The following ALK variants were observed in gnomAD, a reference collection of about 807,000 sequenced individuals.
ALK encodes ALK receptor tyrosine kinase.
Under a neutral mutation model 163.1 loss-of-function variants are expected in ALK, and 74 were observed. The observed-to-expected ratio is 0.45, with a 90% CI of 0.38 to 0.55. The LOEUF is 0.55. Among genes scored for constraint, ALK ranks in the 20% least tolerant of loss-of-function variants. ALK has a pLI of 0.00. For missense variants in ALK, 2,063 were observed against 2,105.3 expected (o/e 0.98, Z 0.39); for synonymous variants, 960 against 843.2 (o/e 1.14, Z -2.40).
At chr2:29,302,853 G>A (rs146095938) in intron 8 of ALK, among the ~76,000 whole-genome samples, 5 of 152,112 alleles carry the variant, frequency 3.3e-5, no homozygotes, top group East Asian at 3.9e-4. Flanking sequence ...CCCACCTCTC[G>A]CCATATACAA....
At chr2:29,655,697 T>C (rs1013130915) in intron 3 of ALK, among the ~76,000 whole-genome samples, 1 of 152,222 alleles carries the variant, frequency 6.6e-6, no homozygotes, top group African/African-American at 2.4e-5. Flanking sequence ...CAGGCTCATT[T>C]AAAAAATCAG....
intron 1 of ALK, among the ~76,000 whole-genome samples, chr2:29,843,044 C>T (rs535199108): frequency 3.3e-5 from 5 of 152,264 alleles, no homozygotes; most frequent in Non-Finnish European, 5.9e-5. Context: ...GTCCCCAGAA[C>T]GCAGCTGGAC....
chr2:29,852,002 G>T (rs1666007873), intron 1 of ALK, among the ~76,000 whole-genome samples: 1 of 152,178 alleles, frequency 6.6e-6, no homozygotes, highest in Non-Finnish European at 1.5e-5. Flanking sequence ...CCAAAGAAAA[G>T]TTTCTTCATA....
intron 1 of ALK, among the ~76,000 whole-genome samples, chr2:29,815,222 T>A (rs936615046): frequency 6.6e-6 from 1 of 151,826 alleles, no homozygotes; most frequent in African/African-American, 2.4e-5. Flanking sequence ...TGTCTTCTTG[T>A]CTGTCAAATA....
intron 2 of ALK, among the ~76,000 whole-genome samples, chr2:29,715,733 G>T (rs546547956): frequency 2.0e-5 from 3 of 152,138 alleles, no homozygotes; most frequent in Non-Finnish European, 2.9e-5. Context: ...CAGTTGTATC[G>T]CAAATCTGGT....
rs1470709197 is a variant in ALK at position 29,920,169 on chromosome 2, C to A, written c.491G>T (p.Gly164Val). 1 of 1,613,542 alleles carries A rather than the reference C, an allele frequency of 6.2e-7. No homozygotes were observed. Among genetic ancestry groups the A allele is most frequent in the East Asian group, 2.2e-5 (1 of 44,868 alleles). Residue 164 changes from glycine to valine, a missense_variant, in exon 1 of 29, where the codon GGG (glycine) becomes GTG (valine). Around this residue, in one of 5 missense-constraint regions of ALK, gnomAD observed 987 missense variants for 939.5 expected, o/e 1.05. Transcript: ENST00000389048. ...CVGPPGEAAV[G>V]LLQFNLSELF... Reference sequence around the variant, plus strand: ...CTCGCTGAGATTGAACTGGAGCAGCCCCACAGCCGCCTCCCCGGGGGGCCC... The same window carrying A: ...CTCGCTGAGATTGAACTGGAGCAGCACCACAGCCGCCTCCCCGGGGGGCCC...
intron 1 of ALK, among the ~76,000 whole-genome samples, chr2:29,792,785 G>A (rs1196538900): frequency 2.9e-5 from 1 of 34,796 alleles, no homozygotes; most frequent in Admixed American, 3.9e-4. Flanking sequence ...GTATGCAATA[G>A]CATAATCTCT....
intron 4 of ALK, among the ~76,000 whole-genome samples, chr2:29,501,574 A>G (rs1003093391): frequency 6.6e-6 from 1 of 152,118 alleles, no homozygotes; most frequent in Admixed American, 6.5e-5. Context: ...GGGGGAAAGT[A>G]CAGGTTCCCC....
intron 5 of ALK, among the ~76,000 whole-genome samples, chr2:29,362,344 T>C (rs1668406578): frequency 6.6e-6 from 1 of 152,222 alleles, no homozygotes; most frequent in Non-Finnish European, 1.5e-5. Flanking sequence ...GCACATAGTA[T>C]TCAGCTTCAA....
Position 29,479,822 on chromosome 2 carries a change from A to T in ALK, c.1154+52093T>A, listed in dbSNP as rs1450475643. Among the ~76,000 whole-genome samples the T allele has an allele frequency of 2.0e-5, 3 of 152,338 alleles. No homozygotes were observed. In the East Asian group the frequency reaches 5.8e-4, roughly 29 times the overall value. The stretch of plus-strand genomic sequence containing the variant: ...CAGTGACCTTGGCAAAATTAGGAAG[A>T]TCTGGAAGATAACATTCTTCTCAGG... On this transcript the variant is annotated intron_variant, in intron 4 of 28. Coordinates refer to ENST00000389048, the MANE Select transcript of ALK (RefSeq NM_004304.5).
At chr2:29,600,080 G>A (rs974389955) in intron 3 of ALK, among the ~76,000 whole-genome samples, 3 of 152,150 alleles carry the variant, frequency 2.0e-5, no homozygotes, top group Non-Finnish European at 4.4e-5. Flanking sequence ...CCATCCACAC[G>A]TGGGGCAGAC....
At chr2:29,291,376 T>TA (rs1666018747) in intron 9 of ALK, among the ~76,000 whole-genome samples, 1 of 152,010 alleles carries the variant, frequency 6.6e-6, no homozygotes, top group Non-Finnish European at 1.5e-5. Flanking sequence ...AAAATTAAAT[T>TA]AAAAAATTAA....
chr2:29,371,508 C>G (rs969892921), intron 5 of ALK, among the ~76,000 whole-genome samples: 14 of 152,188 alleles, frequency 9.2e-5, no homozygotes, highest in African/African-American at 3.4e-4. Flanking sequence ...AAGGTTCAGT[C>G]CTTGCTTACC....
intron 1 of ALK, among the ~76,000 whole-genome samples, chr2:29,790,710 A>C (rs1011823139): frequency 6.6e-6 from 1 of 152,024 alleles, no homozygotes; most frequent in Admixed American, 6.6e-5. Flanking sequence ...CAGCCTCCCA[A>C]GTAGCTGGGA....
intron 1 of ALK, among the ~76,000 whole-genome samples, chr2:29,889,090 T>C (rs1481133045): frequency 2.0e-5 from 3 of 152,178 alleles, no homozygotes; most frequent in South Asian, 2.1e-4. Context: ...AAAAGTGACT[T>C]TGAATATAAA....
chr2:29,506,334 G>C (rs2148135986), intron 4 of ALK, among the ~76,000 whole-genome samples: 1 of 152,316 alleles, frequency 6.6e-6, no homozygotes, highest in East Asian at 1.9e-4. Flanking sequence ...AAGGAGCATA[G>C]AATATGATCT....
intron 1 of ALK, among the ~76,000 whole-genome samples, chr2:29,908,460 C>A (rs1226001456): frequency 6.6e-6 from 1 of 152,232 alleles, no homozygotes; most frequent in African/African-American, 2.4e-5. Context: ...AAGTAAAAAG[C>A]TGCACTCTCT....
chr2:29,676,541 C>G (rs1309098578), intron 3 of ALK, among the ~76,000 whole-genome samples: 1 of 151,994 alleles, frequency 6.6e-6, no homozygotes, highest in Admixed American at 6.6e-5. Flanking sequence ...TCTTTAATAT[C>G]ACACTGTCTT....
chr2:29,440,283 A>T (rs909477952), intron 4 of ALK, among the ~76,000 whole-genome samples: 1 of 138,788 alleles, frequency 7.2e-6, no homozygotes, highest in Non-Finnish European at 1.5e-5. Flanking sequence ...CAGATGATTG[A>T]TATGCCCATG....
Sources: allele counts gnomAD v4.1 joint callset (sites outside exome capture counted in the v4.1 genomes callset), GRCh38; gene constraint gnomAD v4.1.1; regional missense constraint gnomAD v4.1.1; transcripts MANE v1.5; gene names NCBI Gene and HGNC (gene_info 2026-07-23, HGNC 2026-07-21).